PRKG1: variants seen among roughly 807,000 people sequenced by gnomAD.
PRKG1 encodes the protein cGMP-dependent protein kinase 1.
Under a neutral mutation model 88.1 loss-of-function variants are expected in PRKG1, and 35 were observed. The ratio of observed to expected loss-of-function variants is 0.40; its 90% CI spans 0.30 to 0.53. The LOEUF is 0.53. Ranked by LOEUF, PRKG1 falls within the 20% of genes least tolerant of loss-of-function variation. The pLI, the probability that PRKG1 is intolerant of heterozygous loss-of-function variation, is 0.59. For missense variants in PRKG1, 540 were observed against 839.8 expected (o/e 0.64, Z 4.41); for synonymous variants, 303 against 292.5 (o/e 1.04, Z -0.37).
At chr10:52,166,806 T>C (rs1429895271) in intron 9 of PRKG1, among the ~76,000 whole-genome samples, 4 of 1,312 alleles carry the variant, frequency 3.0e-3, no homozygotes, top group African/African-American at 3.4e-3. Flanking sequence ...TACATATATA[T>C]ATGTATATAT....
intron 17 of PRKG1, 42 bp downstream of exon 17, chr10:52,290,332 T>G (rs1348981624): frequency 1.4e-6 from 2 of 1,455,596 alleles, no homozygotes; most frequent in Non-Finnish European, 1.9e-6. Context: ...ACATAATTGA[T>G]GGTGTTTATG....
intron 3 of PRKG1, among the ~76,000 whole-genome samples, chr10:51,781,052 C>T (rs776403554): frequency 1.3e-5 from 2 of 151,956 alleles, no homozygotes; most frequent in South Asian, 2.1e-4. Flanking sequence ...AGAAATGTCT[C>T]GTTGGATGGG....
chr10:52,254,915 C>T (rs186450935), intron 10 of PRKG1, among the ~76,000 whole-genome samples: 5 of 152,194 alleles, frequency 3.3e-5, no homozygotes, highest in Non-Finnish European at 5.9e-5. Flanking sequence ...CCTAAATACT[C>T]TCAGCATAAC....
chr10:51,287,939 G>A (rs1308998248), intron 2 of PRKG1, among the ~76,000 whole-genome samples: 1 of 151,988 alleles, frequency 6.6e-6, no homozygotes, highest in East Asian at 1.9e-4. Flanking sequence ...ATAATACCAG[G>A]CTTTTATAAA....
At chr10:51,817,347 A>ACCCCCCCCCCCCCC (rs367740899) in intron 4 of PRKG1, among the ~76,000 whole-genome samples, 1 of 129,586 alleles carries the variant, frequency 7.7e-6, no homozygotes, top group Non-Finnish European at 1.7e-5. Flanking sequence ...TCCCTCCCCA[A>ACCCCCCCCCCCCCC]CCCCCCCCCT....
At chr10:51,518,504 A>G (rs1200906925) in intron 3 of PRKG1, among the ~76,000 whole-genome samples, 1 of 152,154 alleles carries the variant, frequency 6.6e-6, no homozygotes, top group African/African-American at 2.4e-5. Context: ...TCCTGTTAGC[A>G]TAGTCTGACT....
intron 6 of PRKG1, among the ~76,000 whole-genome samples, chr10:52,056,767 T>G (rs1846120667): frequency 6.6e-6 from 1 of 152,054 alleles, no homozygotes; most frequent in Admixed American, 6.6e-5. Context: ...ATTTTATTCA[T>G]TCTAATACTA....
At chr10:51,215,493 A>C (rs1303105229) in intron 2 of PRKG1, among the ~76,000 whole-genome samples, 2 of 152,190 alleles carry the variant, frequency 1.3e-5, no homozygotes, top group African/African-American at 4.8e-5. Flanking sequence ...CCTTAAGTTC[A>C]TAGGGAAGAC....
chr10:51,034,584 A>C (rs1462873631), intron 1 of PRKG1, among the ~76,000 whole-genome samples: 1 of 149,886 alleles, frequency 6.7e-6, no homozygotes, highest in Non-Finnish European at 1.5e-5. Context: ...TGCTGTATAC[A>C]CTAAATAGAG....
intron 4 of PRKG1, among the ~76,000 whole-genome samples, chr10:51,845,718 T>C (rs1473935070): frequency 6.6e-6 from 1 of 152,130 alleles, no homozygotes; most frequent in Admixed American, 6.6e-5. Context: ...TAATCTCCCT[T>C]CTTATAATAA....
chr10:51,961,231 T>C (rs1360777835), intron 5 of PRKG1, among the ~76,000 whole-genome samples: 1 of 152,104 alleles, frequency 6.6e-6, no homozygotes, highest in Non-Finnish European at 1.5e-5. Context: ...CTAAAATCCA[T>C]GCATGCTCAA....
At chr10:52,133,954 C>A in intron 8 of PRKG1, 49 bp downstream of exon 8, 1 of 1,406,858 alleles carries the variant, frequency 7.1e-7, no homozygotes, top group Non-Finnish European at 1.0e-6. Flanking sequence ...ATCAGCAACA[C>A]ACATGAGTTC....
intron 7 of PRKG1, among the ~76,000 whole-genome samples, chr10:52,103,546 G>C (rs912340385): frequency 6.6e-6 from 1 of 152,032 alleles, no homozygotes; most frequent in African/African-American, 2.4e-5. Flanking sequence ...TTACTTTCTT[G>C]TAAGAATACA....
At chr10:51,096,408 A>G (rs7910047) in intron 1 of PRKG1, among the ~76,000 whole-genome samples, 122,037 of 152,130 alleles carry the variant, frequency 0.8, 49,437 homozygotes, top group South Asian at 0.88. Context: ...CATGGTTGCA[A>G]AAACTGGATA....
chr10:51,328,268 G>A (rs919779579), intron 2 of PRKG1, among the ~76,000 whole-genome samples: 1 of 152,136 alleles, frequency 6.6e-6, no homozygotes, highest in Non-Finnish European at 1.5e-5. Flanking sequence ...TTAACGTGAT[G>A]TCTTGTAGGT....
At chr10:51,523,957 G>A (rs1275880624) in intron 3 of PRKG1, among the ~76,000 whole-genome samples, 3 of 152,186 alleles carry the variant, frequency 2.0e-5, no homozygotes, top group Non-Finnish European at 4.4e-5. Context: ...CCTGGCGGGT[G>A]ATTGCATTAT....
chr10:51,752,768 G>T (rs954412913), intron 3 of PRKG1, among the ~76,000 whole-genome samples: 3 of 152,128 alleles, frequency 2.0e-5, no homozygotes, highest in African/African-American at 7.2e-5. Flanking sequence ...TTTGAAAACT[G>T]TATACTTCGT....
At chr10:52,145,007 A>T (rs1837693108) in intron 8 of PRKG1, among the ~76,000 whole-genome samples, 1 of 152,192 alleles carries the variant, frequency 6.6e-6, no homozygotes, top group African/African-American at 2.4e-5. Flanking sequence ...TTGAGATGGA[A>T]GTAACTGGCT....
intron 9 of PRKG1, among the ~76,000 whole-genome samples, chr10:52,228,052 C>G (rs889822018): frequency 6.6e-6 from 1 of 152,046 alleles, no homozygotes; most frequent in African/African-American, 2.4e-5. Context: ...GCAGGTGATA[C>G]ATAATTTCTC....
Sources: gnomAD v4.1 joint callset for allele counts (sites outside exome capture counted in the v4.1 genomes callset) on GRCh38, gnomAD v4.1.1 for gene constraint, MANE v1.5 for transcripts, NCBI Gene and HGNC (gene_info 2026-07-23, HGNC 2026-07-21) for gene names.